The following PLPPR4 variants were observed in gnomAD, a reference collection of about 807,000 sequenced individuals.
The protein encoded by PLPPR4 is phospholipid phosphatase-related protein type 4.
Under a neutral mutation model 56.6 loss-of-function variants are expected in PLPPR4, and 24 were observed. That is an observed-to-expected ratio of 0.42 (90% confidence interval 0.31 to 0.60). PLPPR4 has a LOEUF of 0.60. Among genes scored for constraint, PLPPR4 ranks in the 20% least tolerant of loss-of-function variants. The pLI is 0.13. For missense variants in PLPPR4, 654 were observed against 885.8 expected (o/e 0.74, Z 3.32); for synonymous variants, 326 against 328.1 (o/e 0.99, Z 0.07).
At chr1:99,297,672 C>T (rs1230952852) in intron 3 of PLPPR4, among the ~76,000 whole-genome samples, 2 of 151,976 alleles carry the variant, frequency 1.3e-5, no homozygotes, top group African/African-American at 4.8e-5. Flanking sequence ...ATTTCTTTCC[C>T]ACAAGAGGAA....
At chr1:99,289,676 C>T (rs1277097553) in intron 2 of PLPPR4, among the ~76,000 whole-genome samples, 1 of 151,984 alleles carries the variant, frequency 6.6e-6, no homozygotes, top group Non-Finnish European at 1.5e-5. Context: ...GGCAGAAAAA[C>T]AGAACTAAAG....
At chr1:99,267,291 G>A (rs1340002535) in intron 1 of PLPPR4, among the ~76,000 whole-genome samples, 2 of 152,168 alleles carry the variant, frequency 1.3e-5, no homozygotes, top group South Asian at 4.1e-4. Context: ...TGAGGGAAGG[G>A]AAACTTACAC....
At chr1:99,305,520 C>G (rs1659999800) in intron 6 of PLPPR4, among the ~76,000 whole-genome samples, 165 bp from the exon 7 acceptor site, 1 of 152,128 alleles carries the variant, frequency 6.6e-6, no homozygotes, top group Non-Finnish European at 1.5e-5. Context: ...ATATAACTTA[C>G]AAAGTATTTC....
intron 1 of PLPPR4, among the ~76,000 whole-genome samples, chr1:99,267,148 G>A (rs540645980): frequency 6.6e-6 from 1 of 152,146 alleles, no homozygotes; most frequent in Non-Finnish European, 1.5e-5. Context: ...GATCTCAGGA[G>A]AAAACAGTCC....
intron 2 of PLPPR4, among the ~76,000 whole-genome samples, chr1:99,289,557 G>C (rs1228673164): frequency 6.6e-6 from 1 of 151,950 alleles, no homozygotes. Flanking sequence ...CTGAGACTTT[G>C]AGACTAATAA....
chr1:99,293,547 C>T (rs1023408362), intron 2 of PLPPR4, among the ~76,000 whole-genome samples: 13 of 152,050 alleles, frequency 8.5e-5, no homozygotes, highest in African/African-American at 2.7e-4. Context: ...AAAAAAAGGG[C>T]GCTTTTTCTT....
At position 99,268,194 on chromosome 1, in the gene PLPPR4, C is replaced by G. The variant is rs149765901; in HGVS notation, c.78+3523C>G. 1.8e-4 allele frequency among the ~76,000 whole-genome samples: 28 copies of G among 152,342 alleles called. No homozygotes were observed. In the East Asian group the frequency reaches 5.0e-3, roughly 27 times the overall value. On this transcript the variant is annotated intron_variant, in intron 1 of 6. Transcript: ENST00000370185. ...GAAGATGTAGTAAGGCAAGGGCACA[C>G]TGACAAACAGGGTGATACAGTTTTC...
chr1:99,297,272 G>T (rs1040636929), intron 3 of PLPPR4, among the ~76,000 whole-genome samples: 1 of 152,086 alleles, frequency 6.6e-6, no homozygotes, highest in African/African-American at 2.4e-5. Flanking sequence ...AATTGTCCTG[G>T]AGTGTTTCCA....
chr1:99,267,093 T>C (rs1263258834), intron 1 of PLPPR4, among the ~76,000 whole-genome samples: 4 of 152,240 alleles, frequency 2.6e-5, no homozygotes, highest in Admixed American at 6.5e-5. Context: ...GCCTTCTCTG[T>C]TACTCAAACC....
In PLPPR4 at chr1:99,276,255, G is replaced by A. The variant is rs1659182781; in HGVS notation, c.78+11584G>A. On this transcript the variant is annotated intron_variant, in intron 1 of 6. Coordinates refer to ENST00000370185, the MANE Select transcript of PLPPR4 (RefSeq NM_014839.5). Reference sequence around the variant, plus strand: ...ACAAGCTTAGAGGGAAGAGAAGCTTGTGATATGCTAGAGCGTTCTAATCTC... The same window carrying A: ...ACAAGCTTAGAGGGAAGAGAAGCTTATGATATGCTAGAGCGTTCTAATCTC... 2.0e-5 allele frequency among the ~76,000 whole-genome samples: 3 copies of A among 152,224 alleles called. No individual in the cohort carries two copies. The South Asian group carries it at 6.2e-4, about 32-fold the overall frequency.
chr1:99,306,751 A>G lies in PLPPR4; in HGVS notation c.1889A>G (p.Asp630Gly). The G allele has an allele frequency of 6.2e-7, 1 of 1,614,070 alleles. No individual in the cohort carries two copies. Among genetic ancestry groups the G allele is most frequent in the Non-Finnish European group, 8.5e-7 (1 of 1,180,008 alleles). Residue 630 changes from aspartate to glycine, a missense_variant, in exon 7 of 7, where the codon GAC becomes GGC. Asp to Gly is a moderately conservative substitution (Grantham distance 94, BLOSUM62 -1). Coordinates refer to ENST00000370185, the MANE Select transcript of PLPPR4 (RefSeq NM_014839.5). The surrounding 1 kb of genome is among the most constrained non-coding windows in gnomAD (Gnocchi z 4.0). ...TCAGAAAGCTGTGAGTCTCTGAAAG[A>G]CAGCTTTGGTTCTGGAGATCGCAAG... ...RDSESCESLK[D>G]SFGSGDRKRS... is the part of the protein sequence containing the mutation.
intron 1 of PLPPR4, among the ~76,000 whole-genome samples, chr1:99,282,938 T>C (rs949911952): frequency 4.1e-5 from 6 of 147,808 alleles, no homozygotes; most frequent in Non-Finnish European, 7.4e-5. Flanking sequence ...CTTTCTGATA[T>C]ATATTTAATA....
Position 99,309,454 on chromosome 1 carries a change from A to G in PLPPR4, c.*2444A>G. 6.6e-6 allele frequency: 1 copy of G among 152,482 alleles called. No homozygotes were observed. The highest frequency in any genetic ancestry group is 1.9e-4 in the East Asian group (1 of 5,204). The allele number at this position is 152,482 out of a possible 1,614,324, so 9.4% of individuals were successfully genotyped here. A position where few individuals can be genotyped will look rare whatever the true frequency, so the allele number is the denominator to read the frequency against. On this transcript the variant is annotated 3_prime_UTR_variant, in exon 7 of 7. Coordinates refer to ENST00000370185, the MANE Select transcript of PLPPR4 (RefSeq NM_014839.5). ...AAAGTACTGTGTTTAAAAAAATGTT[A>G]TGCAATGTTTTCCAAACTGATAAAG...
chr1:99,273,898 G>A (rs1018430494), intron 1 of PLPPR4, among the ~76,000 whole-genome samples: 1 of 152,010 alleles, frequency 6.6e-6, no homozygotes. Context: ...ATATTGCTCG[G>A]CCTTGTGGAT....
chr1:99,267,792 A>G (rs1358890346), intron 1 of PLPPR4, among the ~76,000 whole-genome samples: 4 of 152,212 alleles, frequency 2.6e-5, no homozygotes, highest in Non-Finnish European at 5.9e-5. Flanking sequence ...AGGCTTCTTG[A>G]AATGGACTTG....
intron 1 of PLPPR4, among the ~76,000 whole-genome samples, chr1:99,276,892 T>C (rs1344738824): frequency 6.6e-6 from 1 of 152,166 alleles, no homozygotes; most frequent in Admixed American, 6.5e-5. Context: ...CCTAATGATT[T>C]CTCATTGACA....
At chr1:99,268,038 G>A (rs1025654946) in intron 1 of PLPPR4, among the ~76,000 whole-genome samples, 15 of 152,200 alleles carry the variant, frequency 9.9e-5, no homozygotes, top group African/African-American at 3.6e-4. Context: ...ATAAAGCAAA[G>A]TTAGAGGCAG....
At chr1:99,300,643 T>C (rs113048507) in intron 4 of PLPPR4, among the ~76,000 whole-genome samples, 12 of 152,222 alleles carry the variant, frequency 7.9e-5, no homozygotes, top group African/African-American at 2.6e-4. Flanking sequence ...ACCATCCTTC[T>C]AGTGATGTAA....
intron 1 of PLPPR4, among the ~76,000 whole-genome samples, chr1:99,283,694 T>C (rs1453699276): frequency 6.6e-6 from 1 of 152,202 alleles, no homozygotes; most frequent in East Asian, 1.9e-4. Flanking sequence ...CTCACGCCTG[T>C]AATCCCAGCA....
Sources: allele counts gnomAD v4.1 joint callset (sites outside exome capture counted in the v4.1 genomes callset), GRCh38; gene constraint gnomAD v4.1.1; non-coding constraint Gnocchi (gnomAD v3.1); transcripts MANE v1.5; gene names NCBI Gene and HGNC (gene_info 2026-07-23, HGNC 2026-07-21).